The following TTLL5 variants were observed in gnomAD, a reference collection of about 807,000 sequenced individuals.
TTLL5 encodes tubulin polyglutamylase TTLL5.
Under a neutral mutation model 168.4 loss-of-function variants are expected in TTLL5, and 132 were observed. The observed-to-expected ratio is 0.78, with a 90% CI of 0.68 to 0.91. The LOEUF (loss-of-function observed/expected upper bound fraction) is 0.91, where lower values mean the gene tolerates loss of function less well. TTLL5 is among the 40% of genes least tolerant of loss of function. The probability of loss-of-function intolerance (pLI) is 0.00; values close to 1 mark genes in which losing one functional copy is unlikely to be tolerated. For synonymous variants in TTLL5, 546 were observed against 558.6 expected, an observed-to-expected ratio of 0.98 and a Z score of 0.32; for missense variants, 1,545 against 1,581.5, an observed-to-expected ratio of 0.98 and a Z score of 0.39.
intron 30 of TTLL5, among the ~76,000 whole-genome samples, chr14:75,899,388 G>A (rs893574616): frequency 1.3e-5 from 2 of 152,208 alleles, no homozygotes; most frequent in Non-Finnish European, 2.9e-5. Context: ...TCATTTAGGG[G>A]AAGGTTGTCC....
At chr14:75,791,542 A>G (rs1453812281) in intron 26 of TTLL5, among the ~76,000 whole-genome samples, 2 of 152,306 alleles carry the variant, frequency 1.3e-5, no homozygotes, top group Admixed American at 6.5e-5. Context: ...TATATTTGAT[A>G]AAACTTTTTT....
At chr14:75,682,485 T>C (rs776252079) in intron 4 of TTLL5, among the ~76,000 whole-genome samples, 7 of 152,214 alleles carry the variant, frequency 4.6e-5, no homozygotes, top group Non-Finnish European at 1.0e-4. Flanking sequence ...CTTTTGTCTT[T>C]CCTTGCTCAA....
chr14:75,925,933 G>A (rs943233455), intron 31 of TTLL5, among the ~76,000 whole-genome samples: 6 of 151,866 alleles, frequency 4.0e-5, no homozygotes, highest in Non-Finnish European at 7.3e-5. Flanking sequence ...ACCTGTAATC[G>A]CAGGCACTTG....
chr14:75,751,395 T>C (rs1449393701), intron 17 of TTLL5, among the ~76,000 whole-genome samples: 1 of 152,174 alleles, frequency 6.6e-6, no homozygotes, highest in Non-Finnish European at 1.5e-5. Context: ...GCCTCACTAC[T>C]CTTATCTTTT....
chr14:75,879,408 G>A (rs949734470), intron 29 of TTLL5, among the ~76,000 whole-genome samples: 5 of 152,196 alleles, frequency 3.3e-5, no homozygotes, highest in African/African-American at 7.2e-5. Flanking sequence ...GGTGGACTTC[G>A]CTGTCATCCC....
At chr14:75,844,954 A>G (rs1423353992) in intron 28 of TTLL5, among the ~76,000 whole-genome samples, 1 of 152,104 alleles carries the variant, frequency 6.6e-6, no homozygotes, top group African/African-American at 2.4e-5. Context: ...TCCACCCTCC[A>G]CACTCCTGCC....
intron 7 of TTLL5, 32 bp from the exon 8 acceptor site, chr14:75,706,986 C>G: frequency 6.5e-7 from 1 of 1,547,784 alleles, no homozygotes. Flanking sequence ...CTGTGTATTT[C>G]TATTCTTTCA....
At chr14:75,803,634 AT>A (rs1216588764) in intron 27 of TTLL5, among the ~76,000 whole-genome samples, 4 of 152,116 alleles carry the variant, frequency 2.6e-5, no homozygotes, top group Non-Finnish European at 4.4e-5. Context: ...TGGAGATGAG[AT>A]TTTTTGGAAA....
At chr14:75,943,125 T>C (rs2034663497) in intron 31 of TTLL5, among the ~76,000 whole-genome samples, 1 of 152,152 alleles carries the variant, frequency 6.6e-6, no homozygotes, top group Non-Finnish European at 1.5e-5. Context: ...GCTGTAGTCG[T>C]GGTCATAGAG....
chr14:75,771,593 T>C, intron 20 of TTLL5, 141 bp from the exon 21 acceptor site: 1 of 1,201,600 alleles, frequency 8.3e-7, no homozygotes, highest in Non-Finnish European at 1.2e-6. Flanking sequence ...GAATCCTTAT[T>C]CACAGGCTGT....
chr14:75,745,219 G>T lies in TTLL5; in HGVS notation c.1395+11G>T, dbSNP rs79846725. 6,557 of 1,613,018 alleles carry T rather than the reference G, an allele frequency of 4.1e-3. 157 individuals are homozygous for T. In the African/African-American group the frequency reaches 0.062, roughly 15 times the overall value. On this transcript the variant is annotated intron_variant, in intron 16 of 31. Coordinates refer to ENST00000298832, the MANE Select transcript of TTLL5 (RefSeq NM_015072.5). ...CTGTCAATGGAGGAGGTAAAGATAA[G>T]TTCATTTTAGGCTTTTGTGGGTTAA...
chr14:75,713,990 A>G (rs1887265451), intron 9 of TTLL5, among the ~76,000 whole-genome samples: 1 of 152,032 alleles, frequency 6.6e-6, no homozygotes, highest in African/African-American at 2.4e-5. Flanking sequence ...GATCCAATCA[A>G]GGATCACATG....
At chr14:75,861,530 C>T (rs2030001717) in intron 28 of TTLL5, among the ~76,000 whole-genome samples, 1 of 152,122 alleles carries the variant, frequency 6.6e-6, no homozygotes, top group South Asian at 2.1e-4. Context: ...TTCAGGGTTC[C>T]TACACCTCTG....
chr14:75,850,866 G>C (rs1896806180), intron 28 of TTLL5, among the ~76,000 whole-genome samples: 1 of 151,968 alleles, frequency 6.6e-6, no homozygotes, highest in African/African-American at 2.4e-5. Context: ...CCAGCACTTT[G>C]GGAGGCTGCG....
intron 31 of TTLL5, 164 bp downstream of exon 31, chr14:75,902,388 A>G (rs973928493): frequency 2.6e-6 from 2 of 772,460 alleles, no homozygotes; most frequent in South Asian, 1.6e-5. Flanking sequence ...TCTTCTTTAA[A>G]ATAGTCTTGG....
chr14:75,870,965 T>A (rs11159153), intron 29 of TTLL5, among the ~76,000 whole-genome samples: 4 of 151,584 alleles, frequency 2.6e-5, no homozygotes, highest in African/African-American at 9.7e-5. Flanking sequence ...CAGCTAATTT[T>A]TTGTATTTTT....
At chr14:75,827,707 CTTTTTTTTTTTTT>C (rs561078439) in intron 28 of TTLL5, among the ~76,000 whole-genome samples, 74 of 53,208 alleles carry the variant, frequency 1.4e-3, no homozygotes, top group Admixed American at 3.1e-3. Context: ...TGGCTTGGTT[CTTTTTTTTTTTTT>C]TTTTTTTTTT....
intron 27 of TTLL5, among the ~76,000 whole-genome samples, chr14:75,817,628 A>G (rs1894509883): frequency 6.6e-6 from 1 of 152,034 alleles, no homozygotes; most frequent in Non-Finnish European, 1.5e-5. Flanking sequence ...GTAGTTTCAA[A>G]ATTATTAGGC....
intron 27 of TTLL5, among the ~76,000 whole-genome samples, chr14:75,809,919 A>G (rs1028885397): frequency 1.3e-5 from 2 of 152,138 alleles, no homozygotes; most frequent in South Asian, 2.1e-4. Context: ...TGGCCGAACT[A>G]TATTCCTCTA....
Sources: allele counts gnomAD v4.1 joint callset (sites outside exome capture counted in the v4.1 genomes callset), GRCh38; gene constraint gnomAD v4.1.1; transcripts MANE v1.5; gene names NCBI Gene and HGNC (gene_info 2026-07-23, HGNC 2026-07-21).